The following KCND2 variants were observed in gnomAD, a reference collection of about 807,000 sequenced individuals.
KCND2 encodes the protein potassium voltage-gated channel subfamily D member 2, also known as A-type voltage-gated potassium channel KCND2.
Under a neutral mutation model 54.4 loss-of-function variants are expected in KCND2, and 16 were observed. That is an observed-to-expected ratio of 0.29 (90% CI 0.20 to 0.45). The LOEUF (loss-of-function observed/expected upper bound fraction) is 0.45. KCND2 is among the 20% of genes least tolerant of loss of function. The pLI, the probability that KCND2 is intolerant of heterozygous loss-of-function variation, is 1.00. For synonymous variants in KCND2, 317 were observed against 310.7 expected, an observed-to-expected ratio of 1.02 and a Z score of -0.21; for missense variants, 486 against 824.2, an observed-to-expected ratio of 0.59 and a Z score of 5.02.
At chr7:120,431,721 A>G (rs1045894861) in intron 1 of KCND2, among the ~76,000 whole-genome samples, 1 of 152,194 alleles carries the variant, frequency 6.6e-6, no homozygotes, top group Non-Finnish European at 1.5e-5. Flanking sequence ...GTACTTTTAC[A>G]TTATCTAACC....
rs201317176 is a variant in KCND2 at position 120,456,546 on chromosome 7, AC to A, written c.1115+180800del. On this transcript the variant is annotated intron_variant, in intron 1 of 5. Transcript: ENST00000331113. Reference sequence around the variant, plus strand: ...GGCTAATTTTCTACCCAATAACATCACAATAATAATGCAATTTCATTACTAT... The same window carrying A: ...GGCTAATTTTCTACCCAATAACATCAAATAATAATGCAATTTCATTACTAT... Among the ~76,000 whole-genome samples, 164 of 152,354 alleles carry A rather than the reference AC, an allele frequency of 1.1e-3. No individual in the cohort carries two copies. In the East Asian group the frequency reaches 0.029, roughly 27 times the overall value.
chr7:120,552,502 C>T (rs1358348125), intron 1 of KCND2, among the ~76,000 whole-genome samples: 1 of 152,086 alleles, frequency 6.6e-6, no homozygotes, highest in Non-Finnish European at 1.5e-5. Flanking sequence ...AAAAGAAGAC[C>T]TAAGAAAAAC....
At chr7:120,429,138 G>GGGGGTCCCTA (rs1172024573) in intron 1 of KCND2, among the ~76,000 whole-genome samples, 1 of 152,096 alleles carries the variant, frequency 6.6e-6, no homozygotes, top group Non-Finnish European at 1.5e-5. Context: ...CAGACCTCTA[G>GGGGGTCCCTA]GGGGTCCCTA....
chr7:120,545,894 G>T (rs540040840), intron 1 of KCND2, among the ~76,000 whole-genome samples: 1 of 151,556 alleles, frequency 6.6e-6, no homozygotes, highest in South Asian at 2.1e-4. Flanking sequence ...GAGGAAATCC[G>T]ATTTGAATTA....
chr7:120,368,455 C>A (rs1019292799), intron 1 of KCND2, among the ~76,000 whole-genome samples: 1 of 152,048 alleles, frequency 6.6e-6, no homozygotes, highest in African/African-American at 2.4e-5. Context: ...TTTTAAAAAT[C>A]GATTAAATTG....
Position 120,274,351 on chromosome 7 carries a change from C to T in KCND2, c.-282C>T, listed in dbSNP as rs572949195. On this transcript the variant is annotated 5_prime_UTR_variant, in exon 1 of 6. Coordinates refer to ENST00000331113, the MANE Select transcript of KCND2 (RefSeq NM_012281.3). Reference sequence around the variant, plus strand: ...TGTGCTTATTTGTGCCAGAGGGTGGCCTAGCCCACCTGCAGGAAGAGATTT... The same window carrying T: ...TGTGCTTATTTGTGCCAGAGGGTGGTCTAGCCCACCTGCAGGAAGAGATTT... 37 of 553,938 alleles carry T rather than the reference C, an allele frequency of 6.7e-5. No homozygotes were observed. The South Asian group carries it at 7.4e-4, about 11-fold the overall frequency. The allele number at this position is 553,938 out of a possible 1,614,324, so 34.3% of individuals were successfully genotyped here. A position where few individuals can be genotyped will look rare whatever the true frequency, so the allele number is the denominator to read the frequency against.
At chr7:120,452,020 A>T (rs1038783831) in intron 1 of KCND2, among the ~76,000 whole-genome samples, 1 of 152,236 alleles carries the variant, frequency 6.6e-6, no homozygotes, top group Non-Finnish European at 1.5e-5. Context: ...ATGAAAAAAT[A>T]TTTTTAAATT....
intron 1 of KCND2, among the ~76,000 whole-genome samples, chr7:120,594,859 A>C (rs1792715321): frequency 6.6e-6 from 1 of 151,964 alleles, no homozygotes; most frequent in Admixed American, 6.6e-5. Context: ...GTTTCTACTA[A>C]AAATACAAAA....
intron 1 of KCND2, among the ~76,000 whole-genome samples, chr7:120,612,339 T>TC (rs1431459136): frequency 1.3e-5 from 2 of 152,214 alleles, no homozygotes. Context: ...TAGCTGTGTC[T>TC]CCTCACAACA....
chr7:120,484,498 A>G (rs1389257007), intron 1 of KCND2, among the ~76,000 whole-genome samples: 1 of 150,598 alleles, frequency 6.6e-6, no homozygotes, highest in Non-Finnish European at 1.5e-5. Flanking sequence ...ATATAATATA[A>G]TATAATACAG....
At position 120,465,389 on chromosome 7, in the gene KCND2, T is replaced by A. The variant is rs1802352121; in HGVS notation, c.1115+189642T>A. On this transcript the variant is annotated intron_variant, in intron 1 of 5. Coordinates refer to ENST00000331113, the MANE Select transcript of KCND2 (RefSeq NM_012281.3). ...AGAAAAAAGGCATCTGATTCAGCCC[T>A]CAGCAATGGTTGGAGGTATTAGGAA... Among the ~76,000 whole-genome samples the A allele has an allele frequency of 4.7e-5, 7 of 149,976 alleles. No homozygotes were observed. The South Asian group carries it at 1.5e-3, about 32-fold the overall frequency.
intron 1 of KCND2, among the ~76,000 whole-genome samples, chr7:120,433,939 C>A (rs531685764): frequency 1.3e-5 from 2 of 152,008 alleles, no homozygotes. Flanking sequence ...CACTCACTAC[C>A]GAGGGAATAG....
intron 1 of KCND2, among the ~76,000 whole-genome samples, chr7:120,371,148 C>T (rs547770892): frequency 1.3e-5 from 2 of 152,108 alleles, no homozygotes; most frequent in South Asian, 4.2e-4. Flanking sequence ...TATCTGTAGA[C>T]AGAATGTGCC....
At chr7:120,687,409 A>G (rs1479747965) in intron 1 of KCND2, among the ~76,000 whole-genome samples, 2 of 152,206 alleles carry the variant, frequency 1.3e-5, no homozygotes, top group Non-Finnish European at 2.9e-5. Flanking sequence ...TTAAAAGGAT[A>G]AATCTCATGG....
chr7:120,653,309 G>T (rs1791761321), intron 1 of KCND2, among the ~76,000 whole-genome samples: 1 of 151,480 alleles, frequency 6.6e-6, no homozygotes, highest in South Asian at 2.1e-4. Context: ...GCCTCCCAAA[G>T]TGCTGGAATT....
rs540628052 is a variant in KCND2, at chr7:120,445,786, T to C, written c.1115+170039T>C. On this transcript the variant is annotated intron_variant, in intron 1 of 5. Transcript: ENST00000331113. ...TTATTATATATGAAGGAAAAGGAAA[T>C]CAACATAACATGTATGTTATATAAT... Among the ~76,000 whole-genome samples, 3 of 152,196 alleles carry C rather than the reference T, an allele frequency of 2.0e-5. No homozygotes were observed. In the East Asian group the frequency reaches 5.8e-4, roughly 29 times the overall value.
rs182385383 is a variant in KCND2 at position 120,444,579 on chromosome 7, A to G, written c.1115+168832A>G. On this transcript the variant is annotated intron_variant, in intron 1 of 5. Transcript: ENST00000331113. ...AAATATTTGCTGTAAAACCCTGGAT[A>G]CTCAAATAATGACCAATGTATTCCA... 5.5e-3 allele frequency among the ~76,000 whole-genome samples: 833 copies of G among 152,210 alleles called. 10 individuals carry two copies. The highest frequency in any genetic ancestry group is 0.019 in the African/African-American group (792 of 41,548).
At chr7:120,435,397 G>T (rs1487701151) in intron 1 of KCND2, among the ~76,000 whole-genome samples, 1 of 151,694 alleles carries the variant, frequency 6.6e-6, no homozygotes, top group Non-Finnish European at 1.5e-5. Flanking sequence ...TTACAGGTGT[G>T]AGCAACTGAG....
chr7:120,692,421 T>C (rs1792281093), intron 1 of KCND2, among the ~76,000 whole-genome samples: 1 of 152,182 alleles, frequency 6.6e-6, no homozygotes, highest in Non-Finnish European at 1.5e-5. Context: ...TGCAAGTTTG[T>C]CCATAATATA....
Sources: allele counts gnomAD v4.1 joint callset (sites outside exome capture counted in the v4.1 genomes callset), GRCh38; gene constraint gnomAD v4.1.1; transcripts MANE v1.5; gene names NCBI Gene and HGNC (gene_info 2026-07-23, HGNC 2026-07-21).